The following ARPP21 variants were observed in gnomAD, a reference collection of about 807,000 sequenced individuals.
The protein encoded by ARPP21 is cAMP regulated phosphoprotein 21, also known as cAMP-regulated phosphoprotein 21.
ARPP21 carries 69 observed loss-of-function variants against 113.2 expected under a neutral mutation model. The observed-to-expected ratio is 0.61, with a 90% CI of 0.50 to 0.74. The LOEUF is 0.74. ARPP21 is among the 30% of genes least tolerant of loss of function. The pLI is 0.00. For missense variants in ARPP21, 1,070 were observed against 1,037.4 expected (o/e 1.03, Z -0.43); for synonymous variants, 368 against 375.5 (o/e 0.98, Z 0.23).
chr3:35,760,525 A>T (rs1385908801), intron 19 of ARPP21, among the ~76,000 whole-genome samples: 1 of 151,892 alleles, frequency 6.6e-6, no homozygotes, highest in African/African-American at 2.4e-5. Context: ...CAGGCACAGA[A>T]GTAGAAGGAG....
At chr3:35,707,457 C>G in intron 10 of ARPP21, 1 of 473,480 alleles carries the variant, frequency 2.1e-6, no homozygotes, top group Admixed American at 2.3e-5. Flanking sequence ...ACAGCTTTGT[C>G]CTTCAGTTGT....
chr3:35,653,547 A>G (rs1703424821), intron 1 of ARPP21, among the ~76,000 whole-genome samples: 1 of 151,990 alleles, frequency 6.6e-6, no homozygotes, highest in Non-Finnish European at 1.5e-5. Context: ...GCCACGGACT[A>G]TCAGCTCCTG....
intron 1 of ARPP21, among the ~76,000 whole-genome samples, chr3:35,653,254 T>C (rs530175941): frequency 6.9e-6 from 1 of 145,696 alleles, no homozygotes; most frequent in South Asian, 2.3e-4. Flanking sequence ...TATTTAGGGA[T>C]TCTTGTTGAA....
chr3:35,715,235 G>A (rs923572604), intron 11 of ARPP21: 3 of 510,746 alleles, frequency 5.9e-6, no homozygotes, highest in Non-Finnish European at 1.1e-5. Context: ...ACGTCCTGAA[G>A]GAAAAATACC....
At chr3:35,677,990 T>A (rs1350636084) in intron 1 of ARPP21, among the ~76,000 whole-genome samples, 1 of 151,988 alleles carries the variant, frequency 6.6e-6, no homozygotes, top group African/African-American at 2.4e-5. Flanking sequence ...GATGACTTTA[T>A]GATTCAGGCA....
At chr3:35,748,128 A>AG (rs1444808163) in intron 19 of ARPP21, among the ~76,000 whole-genome samples, 1 of 126,154 alleles carries the variant, frequency 7.9e-6, no homozygotes, top group African/African-American at 2.8e-5. Context: ...AAAGAAAGAA[A>AG]AGAAAGAAAG....
intron 10 of ARPP21, among the ~76,000 whole-genome samples, chr3:35,708,448 A>G (rs920627001): frequency 2.6e-5 from 4 of 152,224 alleles, no homozygotes; most frequent in Admixed American, 6.5e-5. Flanking sequence ...GAATTACACA[A>G]ATTAGAAGAT....
At chr3:35,675,876 A>G (rs998783968) in intron 1 of ARPP21, among the ~76,000 whole-genome samples, 1 of 151,812 alleles carries the variant, frequency 6.6e-6, no homozygotes. Flanking sequence ...AGTACTAACC[A>G]TGGAATGTTA....
At chr3:35,783,325 C>T (rs1022727862) in intron 19 of ARPP21, among the ~76,000 whole-genome samples, 3 of 151,926 alleles carry the variant, frequency 2.0e-5, no homozygotes, top group East Asian at 1.9e-4. Flanking sequence ...ATGTGTTTAC[C>T]GATCATCTCT....
At position 35,717,297 on chromosome 3, in the gene ARPP21, G is replaced by T. The variant is rs1370062062; in HGVS notation, c.936-1G>T. On this transcript the variant is annotated splice_acceptor_variant, in intron 12 of 20. Coordinates refer to ENST00000684406, the MANE Select transcript of ARPP21 (RefSeq NM_001385562.1). LOFTEE classifies it high-confidence loss of function. ...ATAAAAATCATGTTTTTCATTTCCA[G>T]TAGGCTCTTGGAAGACAGTAACATA... 6.3e-7 allele frequency: 1 copy of T among 1,590,056 alleles called. No homozygotes were observed. The highest frequency in any genetic ancestry group is 2.2e-5 in the East Asian group (1 of 44,630).
At chr3:35,789,281 T>C (rs1232297658) in intron 19 of ARPP21, among the ~76,000 whole-genome samples, 3 of 152,224 alleles carry the variant, frequency 2.0e-5, no homozygotes, top group African/African-American at 7.2e-5. Flanking sequence ...GGTTCATTCA[T>C]AGGTCACTGC....
At chr3:35,747,702 A>G (rs2095156241) in intron 19 of ARPP21, among the ~76,000 whole-genome samples, 1 of 152,146 alleles carries the variant, frequency 6.6e-6, no homozygotes, top group Non-Finnish European at 1.5e-5. Context: ...ACGAGGATAA[A>G]GAACTTATGT....
chr3:35,703,099 A>G (rs2087115462), intron 9 of ARPP21, among the ~76,000 whole-genome samples: 1 of 151,912 alleles, frequency 6.6e-6, no homozygotes, highest in Non-Finnish European at 1.5e-5. Flanking sequence ...TATTCAGTAG[A>G]ATTAAATTCT....
chr3:35,754,364 C>T (rs2095504305), intron 19 of ARPP21, among the ~76,000 whole-genome samples: 1 of 151,828 alleles, frequency 6.6e-6, no homozygotes, highest in African/African-American at 2.4e-5. Flanking sequence ...TGGGTGTCTG[C>T]ATTATTATAT....
chr3:35,647,023 AATG>A (rs1202644220), intron 1 of ARPP21, among the ~76,000 whole-genome samples: 1 of 152,148 alleles, frequency 6.6e-6, no homozygotes, highest in African/African-American at 2.4e-5. Context: ...AGTGTTCTGG[AATG>A]ATAAGTTAAT....
chr3:35,693,231 G>A (rs916773632), intron 9 of ARPP21, among the ~76,000 whole-genome samples: 11 of 151,582 alleles, frequency 7.3e-5, no homozygotes, highest in Non-Finnish European at 1.6e-4. Context: ...CCTTTCGTGA[G>A]TCAAAGCAAA....
chr3:35,674,960 G>A (rs1056080749), intron 1 of ARPP21, among the ~76,000 whole-genome samples: 1 of 151,674 alleles, frequency 6.6e-6, no homozygotes, highest in African/African-American at 2.4e-5. Context: ...ATTTCTAATA[G>A]AACCATCACT....
intron 7 of ARPP21, 35 bp downstream of exon 7, chr3:35,689,420 G>C (rs1260910023): frequency 9.8e-7 from 1 of 1,016,368 alleles, no homozygotes; most frequent in Non-Finnish European, 1.6e-6. Flanking sequence ...TTTTTAGAAG[G>C]ATCAAATAGA....
chr3:35,681,632 T>C (rs73059215), intron 2 of ARPP21, 82 bp from the exon 3 acceptor site: 43,663 of 733,358 alleles, frequency 0.06, 1,627 homozygotes, highest in Non-Finnish European at 0.073. Context: ...TGGATTTGAA[T>C]ATGAAAGGAG....
Sources: gnomAD v4.1 joint callset for allele counts (sites outside exome capture counted in the v4.1 genomes callset) on GRCh38, gnomAD v4.1.1 for gene constraint, MANE v1.5 for transcripts, NCBI Gene and HGNC (gene_info 2026-07-23, HGNC 2026-07-21) for gene names.